The following TRAPPC11 variants were observed in gnomAD, a reference collection of about 807,000 sequenced individuals.
TRAPPC11 encodes trafficking protein particle complex subunit 11.
A neutral mutation model predicts 151.2 loss-of-function variants in TRAPPC11; 104 were observed. That is an observed-to-expected ratio of 0.69 (90% CI 0.59 to 0.81). The LOEUF is 0.81. Ranked by LOEUF, TRAPPC11 falls within the 30% of genes least tolerant of loss-of-function variation. The pLI is 0.00. For missense variants in TRAPPC11, 1,230 were observed against 1,349.6 expected (o/e 0.91, Z 1.39); for synonymous variants, 456 against 472.3 (o/e 0.97, Z 0.45).
At chr4:183,666,820 A>G in intron 3 of TRAPPC11, 2 of 467,094 alleles carry the variant, frequency 4.3e-6, no homozygotes, top group Non-Finnish European at 3.8e-6. Context: ...GTAAAAGTAT[A>G]CATTAATCTT....
chr4:183,702,743 C>G (rs1444172427), intron 26 of TRAPPC11, among the ~76,000 whole-genome samples: 1 of 152,096 alleles, frequency 6.6e-6, no homozygotes, highest in Non-Finnish European at 1.5e-5. Flanking sequence ...TAATTTCTTT[C>G]TTAGACTGGG....
At chr4:183,685,472 G>A in intron 17 of TRAPPC11, 69 bp downstream of exon 17, 1 of 1,492,620 alleles carries the variant, frequency 6.7e-7, no homozygotes, top group South Asian at 1.3e-5. Context: ...AATAGGTGCA[G>A]AATAATAAAT....
At chr4:183,712,354 G>A (rs1737375606) in intron 29 of TRAPPC11, among the ~76,000 whole-genome samples, 1 of 152,228 alleles carries the variant, frequency 6.6e-6, no homozygotes, top group Admixed American at 6.5e-5. Context: ...AGAGTCAGCT[G>A]GTGATGGCTA....
intron 25 of TRAPPC11, 111 bp from the exon 26 acceptor site, chr4:183,701,586 A>G: frequency 2.8e-6 from 2 of 718,810 alleles, no homozygotes; most frequent in Non-Finnish European, 4.9e-6. Context: ...AGTCTCTACA[A>G]GTAATATATA....
intron 8 of TRAPPC11, among the ~76,000 whole-genome samples, chr4:183,677,770 AAG>A (rs1429687934): frequency 1.3e-5 from 2 of 152,068 alleles, no homozygotes; most frequent in Non-Finnish European, 2.9e-5. Flanking sequence ...GAGGTTTTAA[AAG>A]TTTGGAGGGT....
chr4:183,674,420 CAA>C (rs34161415), intron 5 of TRAPPC11, among the ~76,000 whole-genome samples: 8 of 40,000 alleles, frequency 2.0e-4, no homozygotes, highest in Admixed American at 7.6e-4. Flanking sequence ...GACCCTGTCT[CAA>C]AAAAAAAAAA....
rs767836308 is a variant in TRAPPC11, at chr4:183,674,714, T to C, written c.562T>C (p.Leu188=). ...CTTGTTTGTTTTTGTTTTTTACAGA[T>C]TGGAAAATGCCTTTTATGAACATGC... The part of the protein sequence containing the change: ...TDHLVGYIIR[L]ENAFYEHAQT... Residue 188 remains leucine, a splice_region_variant and synonymous_variant, in exon 6 of 30, where the codon TTG becomes CTG. Coordinates refer to ENST00000334690, the MANE Select transcript of TRAPPC11 (RefSeq NM_021942.6). 19 of 1,526,040 alleles carry C rather than the reference T, an allele frequency of 1.2e-5. No homozygotes were observed. In the Admixed American group the frequency reaches 4.2e-4, roughly 33 times the overall value. The allele number at this position is 1,526,040 out of a possible 1,614,324, so 94.5% of individuals were successfully genotyped here.
At position 183,659,332 on chromosome 4, in the gene TRAPPC11, G is replaced by T; in HGVS notation, c.-137G>T. On this transcript the variant is annotated 5_prime_UTR_variant, in exon 1 of 30. Coordinates refer to ENST00000334690, the MANE Select transcript of TRAPPC11 (RefSeq NM_021942.6). ...CTCGCCTGTTGGAACTGGCTGTGGG[G>T]CTGCGGCGGTGGGGACGGGCCACGG... 4.8e-6 allele frequency: 1 copy of T among 208,756 alleles called. No individual in the cohort carries two copies. The highest frequency in any genetic ancestry group is 2.3e-5 in the African/African-American group (1 of 43,734). The allele number at this position is 208,756 out of a possible 1,614,324, so 12.9% of individuals were successfully genotyped here. A position where few individuals can be genotyped will look rare whatever the true frequency, so the allele number is the denominator to read the frequency against.
chr4:183,705,007 A>G lies in TRAPPC11; in HGVS notation c.2992A>G (p.Ile998Val). The G allele has an allele frequency of 6.3e-7, 1 of 1,599,878 alleles. No homozygotes were observed. Among genetic ancestry groups the G allele is most frequent in the Non-Finnish European group, 8.5e-7 (1 of 1,170,008 alleles). ...CTCAGCAATGGAGAATATCCCCATC[A>G]TCACAACTGTCATCACTCTGCCGCA... ...RTSAMENIPI[I>V]TTVITLPHVI... Residue 998 changes from isoleucine to valine, a missense_variant, in exon 27 of 30, where the codon ATC (isoleucine) becomes GTC (valine). Transcript: ENST00000334690.
chr4:183,708,434 G>A lies in TRAPPC11; in HGVS notation c.3217G>A (p.Glu1073Lys), dbSNP rs760646935. 1.2e-6 allele frequency: 2 copies of A among 1,613,834 alleles called. No individual in the cohort carries two copies. The highest frequency in any genetic ancestry group is 1.7e-5 in the Admixed American group (1 of 59,980). ...QIRLRILPGT[E>K]QEMLYNFYPL... ...TCGATTACGTATCCTCCCTGGCACG[G>A]AGCAGGAAATGCTATATAATTTCTA... Residue 1073 changes from glutamate to lysine, a missense_variant, in exon 29 of 30, where the codon GAG becomes AAG. Glu to Lys is a moderately conservative substitution (Grantham distance 56). Coordinates refer to ENST00000334690, the MANE Select transcript of TRAPPC11 (RefSeq NM_021942.6).
chr4:183,671,953 G>C (rs1735176900), intron 5 of TRAPPC11, among the ~76,000 whole-genome samples: 1 of 152,136 alleles, frequency 6.6e-6, no homozygotes, highest in African/African-American at 2.4e-5. Flanking sequence ...TTCGAGACAG[G>C]TCAAACAATA....
chr4:183,704,552 G>A (rs888127525), intron 26 of TRAPPC11, among the ~76,000 whole-genome samples: 1 of 150,840 alleles, frequency 6.6e-6, no homozygotes, highest in Non-Finnish European at 1.5e-5. Flanking sequence ...CCAGGCGCAT[G>A]CCTGTAATCC....
intron 18 of TRAPPC11, among the ~76,000 whole-genome samples, chr4:183,690,076 G>T (rs934131006): frequency 6.6e-6 from 1 of 152,068 alleles, no homozygotes; most frequent in East Asian, 1.9e-4. Context: ...GGTGGCGGGT[G>T]CCTGTAGTCT....
intron 22 of TRAPPC11, 65 bp from the exon 23 acceptor site, chr4:183,694,539 T>C (rs1736429747): frequency 6.7e-7 from 1 of 1,496,220 alleles, no homozygotes; most frequent in Admixed American, 1.9e-5. Flanking sequence ...AACATTATCC[T>C]AGAATATATA....
At position 183,684,011 on chromosome 4, in the gene TRAPPC11, G is replaced by A. The variant is rs150383310; in HGVS notation, c.1244G>A (p.Gly415Glu). The change falls in exon 12 of 30, where the codon GGA becomes GAA. Residue 415 changes from glycine to glutamate, a missense_variant. By Grantham distance (98) the Gly-to-Glu change is moderately conservative. Transcript: ENST00000334690. ...DLSDPEKEKV[G>E]ILAIQLKERN... ...TCTGATCCTGAAAAAGAAAAGGTGG[G>A]AATTCTTGCCATTCAGCTGAAGGAG... is the stretch of plus-strand genomic sequence containing the variant. The A allele has an allele frequency of 8.1e-6, 13 of 1,613,864 alleles. No homozygotes were observed. The African/African-American group carries it at 1.7e-4, about 22-fold the overall frequency.
intron 2 of TRAPPC11, 73 bp downstream of exon 2, chr4:183,664,144 G>A: frequency 7.3e-7 from 1 of 1,374,358 alleles, no homozygotes; most frequent in Admixed American, 1.7e-5. Flanking sequence ...TTTTTGTTCT[G>A]TTGTGTGTGT....
chr4:183,661,516 C>T (rs776842704), intron 1 of TRAPPC11, among the ~76,000 whole-genome samples: 1 of 151,148 alleles, frequency 6.6e-6, no homozygotes, highest in East Asian at 2.0e-4. Context: ...GGACTACAGG[C>T]GCCCACCACC....
chr4:183,696,175 C>G (rs934968084), intron 23 of TRAPPC11, among the ~76,000 whole-genome samples: 3 of 152,152 alleles, frequency 2.0e-5, no homozygotes, highest in Admixed American at 6.5e-5. Flanking sequence ...CTTCTGGCCC[C>G]AAGCATTTCA....
At chr4:183,693,511 T>C (rs1448351055) in intron 20 of TRAPPC11, 78 bp from the exon 21 acceptor site, 4 of 1,477,010 alleles carry the variant, frequency 2.7e-6, no homozygotes, top group African/African-American at 2.9e-5. Context: ...CAGCCTCTTA[T>C]TTCTTTTAAA....
Sources: allele counts gnomAD v4.1 joint callset (sites outside exome capture counted in the v4.1 genomes callset), GRCh38; gene constraint gnomAD v4.1.1; transcripts MANE v1.5; gene names NCBI Gene and HGNC (gene_info 2026-07-23, HGNC 2026-07-21).